Variants in CLGN observed in about 807,000 individuals in gnomAD.
CLGN encodes calmegin, also known as testis tissue sperm-binding protein Li 79P.
CLGN carries 62 observed loss-of-function variants against 79.1 expected under a neutral mutation model. The ratio of observed to expected loss-of-function variants is 0.78; its 90% CI spans 0.64 to 0.97. The LOEUF is 0.97. CLGN is among the 50% of genes least tolerant of loss of function. CLGN has a pLI of 0.00. For synonymous variants in CLGN, 225 were observed against 224.7 expected, an observed-to-expected ratio of 1.00 and a Z score of -0.01; for missense variants, 647 against 715.5, an observed-to-expected ratio of 0.90 and a Z score of 1.09.
chr4:140,414,090 A>C (rs1359944031), intron 1 of CLGN, among the ~76,000 whole-genome samples: 3 of 152,254 alleles, frequency 2.0e-5, no homozygotes, highest in Non-Finnish European at 2.9e-5. Context: ...GCAGGGGCAC[A>C]CTGACACCTC....
At position 140,392,180 on chromosome 4, in the gene CLGN, A is replaced by T. The variant is rs1451532595; in HGVS notation, c.1651+39T>A. ...GGCCATATACAGTTTTATGAGCTTTACCCAGAGTCTCCATTATAAATCACT... is the reference window on the plus strand; with the variant it reads ...GGCCATATACAGTTTTATGAGCTTTTCCCAGAGTCTCCATTATAAATCACT... On this transcript the variant is annotated intron_variant, in intron 13 of 14. Transcript: ENST00000325617. The T allele has an allele frequency of 2.5e-6, 4 of 1,602,468 alleles. No homozygotes were observed. The Admixed American group carries it at 6.9e-5, about 28-fold the overall frequency.
rs1039091964 is a variant in CLGN, at chr4:140,400,608, C to G, written c.502-59G>C. Reference sequence around the variant, plus strand: ...GAATCACAGACTATTTAATGCATTTCTGTATTTTATCCAATGGGTAGAGTT... The same window carrying G: ...GAATCACAGACTATTTAATGCATTTGTGTATTTTATCCAATGGGTAGAGTT... On this transcript the variant is annotated intron_variant, in intron 6 of 14. Coordinates refer to ENST00000325617, the MANE Select transcript of CLGN (RefSeq NM_004362.3). 7 of 1,124,040 alleles carry G rather than the reference C, an allele frequency of 6.2e-6. No individual in the cohort carries two copies. In the Admixed American group the frequency reaches 1.7e-4, roughly 28 times the overall value. 69.6% of individuals were successfully genotyped at this position (1,124,040 alleles called of 1,614,324 possible). A position where few individuals can be genotyped will look rare whatever the true frequency, so the allele number is the denominator to read the frequency against.
intron 1 of CLGN, among the ~76,000 whole-genome samples, chr4:140,420,325 A>G (rs1729439298): frequency 6.6e-6 from 1 of 152,130 alleles, no homozygotes; most frequent in South Asian, 2.1e-4. Flanking sequence ...GCTTCAGAAA[A>G]CAGTTCAGAA....
chr4:140,404,848 G>C (rs571948711), intron 5 of CLGN, among the ~76,000 whole-genome samples: 7 of 151,918 alleles, frequency 4.6e-5, no homozygotes, highest in African/African-American at 1.4e-4. Context: ...GTAGAGTCGG[G>C]GTTTTGCCAT....
intron 1 of CLGN, among the ~76,000 whole-genome samples, chr4:140,416,615 T>A (rs890475160): frequency 6.7e-6 from 1 of 149,182 alleles, no homozygotes; most frequent in African/African-American, 2.5e-5. Context: ...ATGGATACAT[T>A]CCTCGACACA....
intron 8 of CLGN, among the ~76,000 whole-genome samples, chr4:140,396,891 G>GTATATATATATATATATATGTATA (rs746057984): frequency 9.3e-5 from 5 of 53,664 alleles, no homozygotes; most frequent in Non-Finnish European, 1.6e-4. Flanking sequence ...ATATATATAT[G>GTATATATATATATATATATGTATA]TATATATATA....
At position 140,409,951 on chromosome 4, in the gene CLGN, T is replaced by C. The variant is rs778154709; in HGVS notation, c.219-56A>G. The C allele has an allele frequency of 1.6e-4, 194 of 1,176,876 alleles. 1 individual carries two copies. The highest frequency in any genetic ancestry group is 2.4e-4 in the Non-Finnish European group (190 of 806,486). 72.9% of individuals were successfully genotyped at this position (1,176,876 alleles called of 1,614,324 possible). On this transcript the variant is annotated intron_variant, in intron 3 of 14. Transcript: ENST00000325617. ...CATTGACAATAAAAGCAGCAATTTATAGATATAAGGCATACAGAAACACAA... is the reference window on the plus strand; with the variant it reads ...CATTGACAATAAAAGCAGCAATTTACAGATATAAGGCATACAGAAACACAA...
In CLGN at chr4:140,396,165, C is replaced by A; in HGVS notation, c.925G>T (p.Val309Phe). 3 of 1,614,138 alleles carry A rather than the reference C, an allele frequency of 1.9e-6. No homozygotes were observed. The highest frequency in any genetic ancestry group is 2.5e-6 in the Non-Finnish European group (3 of 1,180,004). Residue 309 changes from valine to phenylalanine, a missense_variant, in exon 9 of 15, where the codon GTT (valine) becomes TTT (phenylalanine). Physicochemically the swap from Val to Phe is conservative, Grantham distance 50. Coordinates refer to ENST00000325617, the MANE Select transcript of CLGN (RefSeq NM_004362.3). ...EPAQIEDSSVVKPAGWLDDEP... is the reference protein window; with the variant it reads ...EPAQIEDSSVFKPAGWLDDEP... Reference sequence around the variant, plus strand: ...TCATCAAGCCAGCCAGCAGGTTTAACAACACTTGAATCTTCTATTTGGGCA... The same window carrying A: ...TCATCAAGCCAGCCAGCAGGTTTAAAAACACTTGAATCTTCTATTTGGGCA...
At chr4:140,407,009 A>T (rs1299715073) in intron 4 of CLGN, among the ~76,000 whole-genome samples, 1 of 151,928 alleles carries the variant, frequency 6.6e-6, no homozygotes, top group African/African-American at 2.4e-5. Flanking sequence ...CTCTTATATC[A>T]TTTTTTTTCT....
chr4:140,405,173 A>ATTTTTATTTTTTT (rs1560743158), intron 5 of CLGN, among the ~76,000 whole-genome samples: 4 of 24,992 alleles, frequency 1.6e-4, no homozygotes, highest in Non-Finnish European at 3.4e-4. Context: ...AATTTTTTTT[A>ATTTTTATTTTTTT]TTTTTATTTT....
chr4:140,406,550 T>C (rs1431608210), intron 4 of CLGN, among the ~76,000 whole-genome samples: 8 of 152,344 alleles, frequency 5.3e-5, no homozygotes, highest in South Asian at 2.1e-4. Context: ...CAGCAGTTAT[T>C]GTAAAGATTT....
intron 1 of CLGN, among the ~76,000 whole-genome samples, chr4:140,423,095 C>A (rs1442445132): frequency 2.6e-5 from 4 of 152,102 alleles, no homozygotes; most frequent in Admixed American, 1.3e-4. Flanking sequence ...GTGGAAAAAG[C>A]AGGCATCCTT....
At chr4:140,409,796 G>T in intron 4 of CLGN, 41 bp downstream of exon 4, 3 of 1,336,662 alleles carry the variant, frequency 2.2e-6, no homozygotes, top group Non-Finnish European at 3.1e-6. Flanking sequence ...GTGAACTCCA[G>T]GCCATACTGG....
intron 1 of CLGN, among the ~76,000 whole-genome samples, chr4:140,415,644 G>A (rs960386660): frequency 1.3e-5 from 2 of 149,950 alleles, no homozygotes; most frequent in Non-Finnish European, 3.0e-5. Flanking sequence ...TCAACAAGGA[G>A]AGCTAACTAT....
chr4:140,397,701 C>T (rs1041105274), intron 8 of CLGN, among the ~76,000 whole-genome samples: 3 of 151,850 alleles, frequency 2.0e-5, no homozygotes, highest in African/African-American at 7.3e-5. Context: ...ATCGGGAGTT[C>T]GAGACCAGCC....
In CLGN at chr4:140,400,419, T is replaced by C; in HGVS notation, c.632A>G (p.Lys211Arg). 1 of 1,613,450 alleles carries C rather than the reference T, an allele frequency of 6.2e-7. No individual in the cohort carries two copies. Among genetic ancestry groups the C allele is most frequent in the Non-Finnish European group, 8.5e-7 (1 of 1,179,540 alleles). ...CTTTTTAAGGTCTACATCTGGAGGTTTGGCATGTTTCTCTTCGAAAACTCC... is the reference window on the plus strand; with the variant it reads ...CTTTTTAAGGTCTACATCTGGAGGTCTGGCATGTTTCTCTTCGAAAACTCC... ...KTGVFEEKHA[K>R]PPDVDLKKFF... Residue 211 changes from lysine (K) to arginine (R), a missense_variant, in exon 7 of 15, where the codon AAA (lysine) becomes AGA (arginine). Lys to Arg is a conservative substitution (Grantham distance 26). Transcript: ENST00000325617.
intron 1 of CLGN, chr4:140,426,801 C>G (rs1729575583): frequency 6.6e-6 from 1 of 152,262 alleles, no homozygotes; most frequent in East Asian, 1.9e-4. Context: ...TAAATAAAAT[C>G]AGCGAAAGTG....
chr4:140,399,439 T>G (rs866922132), intron 7 of CLGN, among the ~76,000 whole-genome samples: 1 of 152,250 alleles, frequency 6.6e-6, no homozygotes, highest in African/African-American at 2.4e-5. Context: ...TCTGTTCTAG[T>G]AATATTTTCT....
chr4:140,420,114 C>A (rs10011171), intron 1 of CLGN, among the ~76,000 whole-genome samples: 1 of 151,898 alleles, frequency 6.6e-6, no homozygotes, highest in Non-Finnish European at 1.5e-5. Context: ...AGGTTCCAAA[C>A]AATTAATTTG....
Sources: allele counts gnomAD v4.1 joint callset (sites outside exome capture counted in the v4.1 genomes callset), GRCh38; gene constraint gnomAD v4.1.1; transcripts MANE v1.5; gene names NCBI Gene and HGNC (gene_info 2026-07-23, HGNC 2026-07-21).